Variants in KHDRBS1 observed in about 807,000 individuals in gnomAD.
The protein encoded by KHDRBS1 is KH RNA binding domain containing, signal transduction associated 1.
A neutral mutation model predicts 48.4 loss-of-function variants in KHDRBS1; 7 were observed. The ratio of observed to expected loss-of-function variants is 0.14; its 90% CI spans 0.08 to 0.27. The LOEUF (loss-of-function observed/expected upper bound fraction) is 0.27. Ranked by LOEUF, KHDRBS1 falls within the 10% of genes least tolerant of loss-of-function variation. The pLI, the probability that KHDRBS1 is intolerant of heterozygous loss-of-function variation, is 1.00. For synonymous variants in KHDRBS1, 241 were observed against 235.8 expected, an observed-to-expected ratio of 1.02 and a Z score of -0.20; for missense variants, 458 against 601.2, an observed-to-expected ratio of 0.76 and a Z score of 2.49.
At chr1:32,022,910 T>A (rs1638890206) in intron 1 of KHDRBS1, among the ~76,000 whole-genome samples, 2 of 152,090 alleles carry the variant, frequency 1.3e-5, no homozygotes, top group South Asian at 4.1e-4. Flanking sequence ...AAAGTTCAGT[T>A]AATGATATAT....
chr1:32,014,032 C>T lies in KHDRBS1; in HGVS notation c.37C>T (p.Arg13Trp). Residue 13 changes from arginine (R) to tryptophan (W), a missense_variant, in exon 1 of 9, where the codon CGG (arginine) becomes TGG (tryptophan). Physicochemically the swap from Arg to Trp is moderately radical, Grantham distance 101 (BLOSUM62 -3). Transcript: ENST00000327300. ...GGACGACCCCGCCGCGCGCATGAGC[C>T]GGTCTTCGGGCCGTAGCGGCTCCAT... ...RRDDPAARMS[R>W]SSGRSGSMDP... 6.6e-7 allele frequency: 1 copy of T among 1,526,400 alleles called. No individual in the cohort carries two copies. 94.6% of individuals were successfully genotyped at this position (1,526,400 alleles called of 1,614,324 possible). A position where few individuals can be genotyped will look rare whatever the true frequency, so the allele number is the denominator to read the frequency against.
intron 1 of KHDRBS1, among the ~76,000 whole-genome samples, chr1:32,029,863 A>G (rs1639048206): frequency 6.6e-6 from 1 of 152,220 alleles, no homozygotes; most frequent in Non-Finnish European, 1.5e-5. Flanking sequence ...ACTAGTATCT[A>G]GAGTACTAAT....
exon 11 of KHDRBS1, chr1:32,060,704 T>G (rs1013827557): frequency 2.0e-5 from 3 of 152,232 alleles, no homozygotes; most frequent in African/African-American, 4.8e-5. Context: ...ATTTAACATC[T>G]GAACCTGTTT....
intron 4 of KHDRBS1, 31 bp from the exon 5 acceptor site, chr1:32,036,879 A>G: frequency 1.2e-6 from 2 of 1,600,114 alleles, no homozygotes; most frequent in Non-Finnish European, 1.7e-6. Context: ...TGTAGATACC[A>G]CACAATACTC....
At chr1:32,037,779 C>T in intron 5 of KHDRBS1, 56 bp from the exon 6 acceptor site, 1 of 1,572,672 alleles carries the variant, frequency 6.4e-7, no homozygotes, top group South Asian at 1.1e-5. Flanking sequence ...CAAATCAGAA[C>T]ATAAAAGTGG....
chr1:32,019,180 C>T (rs546503014), intron 1 of KHDRBS1, among the ~76,000 whole-genome samples: 2 of 152,228 alleles, frequency 1.3e-5, no homozygotes, highest in African/African-American at 4.8e-5. Context: ...GCACTTGATT[C>T]ATGAAATGGT....
rs12563580 is a variant in KHDRBS1 at position 32,055,528 on chromosome 1, A to G, written n.1302-4635A>G. On this transcript the variant is annotated intron_variant and non_coding_transcript_variant, in intron 10 of 10. Transcript: ENST00000484270. The stretch of plus-strand genomic sequence containing the variant: ...CATGTACCTCCTGCTCCCCAGATTA[A>G]TAGTCGTTGCATGTTTAAAGCTAGC... Among the ~76,000 whole-genome samples the G allele has an allele frequency of 3.2e-4, 48 of 152,250 alleles. 1 individual carries two copies. Among genetic ancestry groups the G allele is most frequent in the East Asian group, 2.7e-3 (14 of 5,180 alleles).
chr1:32,035,786 A>G (rs1639165840), intron 4 of KHDRBS1, among the ~76,000 whole-genome samples: 1 of 152,210 alleles, frequency 6.6e-6, no homozygotes, highest in African/African-American at 2.4e-5. Context: ...AATGGCTCCT[A>G]AAGAGCTTAC....
At position 32,014,247 on chromosome 1, in the gene KHDRBS1, C is replaced by G. The variant is rs568532115; in HGVS notation, c.252C>G (p.Thr84=). The G allele has an allele frequency of 5.2e-6, 8 of 1,533,332 alleles. No homozygotes were observed. In the African/African-American group the frequency reaches 5.6e-5, roughly 11 times the overall value. 95.0% of individuals were successfully genotyped at this position (1,533,332 alleles called of 1,614,324 possible). A position where few individuals can be genotyped will look rare whatever the true frequency, so the allele number is the denominator to read the frequency against. Residue 84 remains threonine (T), a synonymous_variant, in exon 1 of 9, where the codon ACC becomes ACG. Transcript: ENST00000327300. ...CGACAGTGGGCGGGCCAGCGCCGAC[C>G]CCGCTGCTGCCCCCCTCGGCCACAG... ...PDATVGGPAP[T]PLLPPSATAS...
At chr1:32,016,186 G>GAA (rs576956025) in intron 1 of KHDRBS1, among the ~76,000 whole-genome samples, 57 of 84,824 alleles carry the variant, frequency 6.7e-4, no homozygotes, top group African/African-American at 1.7e-3. Context: ...CTCAAAAAAG[G>GAA]AAAAAAAAAA....
At chr1:32,033,865 A>C (rs1351559433) in intron 4 of KHDRBS1, among the ~76,000 whole-genome samples, 2 of 152,144 alleles carry the variant, frequency 1.3e-5, no homozygotes, top group Non-Finnish European at 2.9e-5. Flanking sequence ...GAAGAGGTTG[A>C]CTATTGATGT....
At chr1:32,044,238 T>A (rs1253818459), downstream of KHDRBS1, among the ~76,000 whole-genome samples, 1 of 152,224 alleles carries the variant, frequency 6.6e-6, no homozygotes, top group Non-Finnish European at 1.5e-5. Flanking sequence ...GCACCTTCTG[T>A]AGAACCCCTA....
At chr1:32,038,487 A>G in intron 6 of KHDRBS1, 65 bp from the exon 7 acceptor site, 9 of 1,511,690 alleles carry the variant, frequency 6.0e-6, no homozygotes, top group Non-Finnish European at 7.3e-6. Context: ...CATGGGATGT[A>G]ATTACCTTTC....
At chr1:32,025,112 A>T (rs992868703) in intron 1 of KHDRBS1, among the ~76,000 whole-genome samples, 5 of 149,866 alleles carry the variant, frequency 3.3e-5, no homozygotes, top group African/African-American at 1.2e-4. Flanking sequence ...TACAAATAAA[A>T]AAAATTAGCC....
intron 10 of KHDRBS1, among the ~76,000 whole-genome samples, chr1:32,055,306 G>GCACCTCTACTAAAAAT (rs1227503527): frequency 2.6e-5 from 4 of 152,110 alleles, no homozygotes; most frequent in African/African-American, 9.7e-5. Context: ...AAATTAGCCG[G>GCACCTCTACTAAAAAT]ACGTGGTGGC....
Position 32,013,884 on chromosome 1 carries a change from C to G in KHDRBS1, c.-112C>G, listed in dbSNP as rs1222015836. ...CGGTGCTCTCTCTCGCTGGGTCGCT[C>G]GGGTCGGCTTCGGTCGCTACCGCTC... On this transcript the variant is annotated 5_prime_UTR_variant, in exon 1 of 9. Coordinates refer to ENST00000327300, the MANE Select transcript of KHDRBS1 (RefSeq NM_006559.3). 15 of 1,055,334 alleles carry G rather than the reference C, an allele frequency of 1.4e-5. No homozygotes were observed. Among genetic ancestry groups the G allele is most frequent in the South Asian group, 2.7e-5 (1 of 37,320 alleles). The allele number at this position is 1,055,334 out of a possible 1,614,324, so 65.4% of individuals were successfully genotyped here.
chr1:32,041,517 G>A (rs556720680), intron 8 of KHDRBS1, among the ~76,000 whole-genome samples: 11 of 151,140 alleles, frequency 7.3e-5, no homozygotes, highest in Non-Finnish European at 1.5e-4. Context: ...TTGAGGATGT[G>A]AACCACATTG....
At chr1:32,035,176 A>C (rs1304507844) in intron 4 of KHDRBS1, among the ~76,000 whole-genome samples, 1 of 152,072 alleles carries the variant, frequency 6.6e-6, no homozygotes, top group Non-Finnish European at 1.5e-5. Context: ...AGTCTCCCTC[A>C]TATTCCTCAG....
chr1:32,039,526 A>T lies in KHDRBS1; in HGVS notation c.1187A>T (p.Tyr396Phe), dbSNP rs1639244631. ...CCTTTGGCTTTCAGGGACTCAGAATATTATGACTATGGACATGGGGAGGTT... is the reference window on the plus strand; with the variant it reads ...CCTTTGGCTTTCAGGGACTCAGAATTTTATGACTATGGACATGGGGAGGTT... ...YYSQSQGDSEYYDYGHGEVQD... is the reference protein window; with the variant it reads ...YYSQSQGDSEFYDYGHGEVQD... The change falls in exon 8 of 9, where the codon TAT becomes TTT. Residue 396 changes from tyrosine (Y) to phenylalanine (F), a missense_variant. Tyr to Phe is a conservative substitution (Grantham distance 22). Around this residue, in one of 3 missense-constraint regions of KHDRBS1, gnomAD observed 171 missense variants for 228.7 expected, o/e 0.75. Coordinates refer to ENST00000327300, the MANE Select transcript of KHDRBS1 (RefSeq NM_006559.3). 10 of 1,497,286 alleles carry T rather than the reference A, an allele frequency of 6.7e-6. No individual in the cohort carries two copies. In the South Asian group the frequency reaches 1.0e-4, roughly 15 times the overall value. 92.8% of individuals were successfully genotyped at this position (1,497,286 alleles called of 1,614,324 possible). A position where few individuals can be genotyped will look rare whatever the true frequency, so the allele number is the denominator to read the frequency against.
Sources: allele counts gnomAD v4.1 joint callset (sites outside exome capture counted in the v4.1 genomes callset), GRCh38; gene constraint gnomAD v4.1.1; regional missense constraint gnomAD v4.1.1; transcripts MANE v1.5; gene names NCBI Gene and HGNC (gene_info 2026-07-23, HGNC 2026-07-21).